COL13A1: variants seen among roughly 807,000 people sequenced by gnomAD.
COL13A1 encodes the protein collagen type XIII alpha 1 chain, also known as collagen alpha-1(XIII) chain.
COL13A1 carries 89 observed loss-of-function variants against 130.9 expected under a neutral mutation model. The observed-to-expected ratio is 0.68, with a 90% CI of 0.57 to 0.81. The LOEUF is 0.81. Among genes scored for constraint, COL13A1 ranks in the 30% least tolerant of loss-of-function variants. The probability of loss-of-function intolerance (pLI) is 0.00; values close to 1 mark genes in which losing one functional copy is unlikely to be tolerated. For missense variants in COL13A1, 879 were observed against 934.6 expected (o/e 0.94, Z 0.78); for synonymous variants, 402 against 341.6 (o/e 1.18, Z -1.95).
intron 1 of COL13A1, among the ~76,000 whole-genome samples, chr10:69,805,085 C>G (rs917227456): frequency 6.6e-6 from 1 of 151,982 alleles, no homozygotes; most frequent in African/African-American, 2.4e-5. Flanking sequence ...AGTCCAGGAC[C>G]CCGGAGGACT....
chr10:69,881,370 CG>C (rs2060122318), intron 7 of COL13A1, among the ~76,000 whole-genome samples: 2 of 152,104 alleles, frequency 1.3e-5, no homozygotes, highest in African/African-American at 4.8e-5. Flanking sequence ...AGCAGCAGGC[CG>C]CCGGCTCCAC....
At chr10:69,837,362 G>A (rs1360200288) in intron 2 of COL13A1, among the ~76,000 whole-genome samples, 1 of 152,200 alleles carries the variant, frequency 6.6e-6, no homozygotes, top group Non-Finnish European at 1.5e-5. Flanking sequence ...GGCACTCAGA[G>A]GCACTGGTGT....
intron 2 of COL13A1, among the ~76,000 whole-genome samples, chr10:69,845,739 A>G (rs61849242): frequency 0.023 from 3,333 of 147,548 alleles, 65 homozygotes; most frequent in Non-Finnish European, 0.035. Flanking sequence ...TTCCAAATCA[A>G]TTCTGACCTC....
At chr10:69,955,940 C>G (rs1333237550) in intron 39 of COL13A1, 1 of 152,222 alleles carries the variant, frequency 6.6e-6, no homozygotes, top group Non-Finnish European at 1.5e-5. Flanking sequence ...CTAAGCCCTC[C>G]ATATTGGGAC....
At chr10:69,870,503 T>TTA (rs10666724) in intron 3 of COL13A1, among the ~76,000 whole-genome samples, 5 of 150,506 alleles carry the variant, frequency 3.3e-5, no homozygotes, top group African/African-American at 9.8e-5. Context: ...TTTTTTTTTT[T>TTA]AGAGACGGGG....
chr10:69,830,969 G>A (rs1466849761), intron 2 of COL13A1, among the ~76,000 whole-genome samples: 1 of 152,100 alleles, frequency 6.6e-6, no homozygotes, highest in Non-Finnish European at 1.5e-5. Context: ...TTAGCATAAT[G>A]TTTTCAAGGT....
chr10:69,938,200 C>T (rs992628272), intron 34 of COL13A1, among the ~76,000 whole-genome samples: 1 of 152,146 alleles, frequency 6.6e-6, no homozygotes, highest in Non-Finnish European at 1.5e-5. Context: ...AGGCCAAGGC[C>T]GTTCATCTCC....
At chr10:69,927,773 A>G (rs1057225553) in intron 27 of COL13A1, among the ~76,000 whole-genome samples, 1 of 152,218 alleles carries the variant, frequency 6.6e-6, no homozygotes, top group Admixed American at 6.5e-5. Flanking sequence ...GCACAAACTC[A>G]CAATCAAACA....
At chr10:69,805,412 C>T (rs914709210) in intron 1 of COL13A1, among the ~76,000 whole-genome samples, 3 of 152,084 alleles carry the variant, frequency 2.0e-5, no homozygotes, top group Admixed American at 6.5e-5. Flanking sequence ...AGGTGGATGG[C>T]GTGAGTGGCC....
rs2063289239 is a variant in COL13A1, at chr10:69,910,811, A to T, written c.921+4989A>T. The stretch of plus-strand genomic sequence containing the variant: ...ACGAGTATTGTCAGATTGTGTGTGG[A>T]TCACAAAACCTGGTGAGAGCTTATC... On this transcript the variant is annotated intron_variant, in intron 17 of 40. Coordinates refer to ENST00000645393, the MANE Select transcript of COL13A1 (RefSeq NM_001368882.1). Among the ~76,000 whole-genome samples, 5 of 152,338 alleles carry T rather than the reference A, an allele frequency of 3.3e-5. No individual in the cohort carries two copies. The South Asian group carries it at 1.0e-3, about 32-fold the overall frequency.
chr10:69,879,492 T>G (rs936884237), intron 6 of COL13A1: 1 of 152,260 alleles, frequency 6.6e-6, no homozygotes, highest in African/African-American at 2.4e-5. Flanking sequence ...CCAAGCATTC[T>G]GGCTCTTAAC....
At chr10:69,898,828 C>A in intron 14 of COL13A1, 66 bp downstream of exon 14, 1 of 1,331,064 alleles carries the variant, frequency 7.5e-7, no homozygotes, top group South Asian at 1.4e-5. Context: ...CCTGCTGGGG[C>A]TGCAGACAAA....
At chr10:69,935,583 G>C (rs971573373) in intron 32 of COL13A1, among the ~76,000 whole-genome samples, 192 bp downstream of exon 32, 1 of 152,218 alleles carries the variant, frequency 6.6e-6, no homozygotes, top group Non-Finnish European at 1.5e-5. Flanking sequence ...AAGGAGCCCA[G>C]GCATTGCCTG....
At chr10:69,943,786 C>A (rs975378700) in intron 35 of COL13A1, among the ~76,000 whole-genome samples, 5 of 152,236 alleles carry the variant, frequency 3.3e-5, no homozygotes, top group Non-Finnish European at 7.3e-5. Flanking sequence ...CAGCCCCCGG[C>A]CCCTGCCCCG....
In COL13A1 at chr10:69,958,817, A is replaced by C; in HGVS notation, c.*116A>C. The C allele has an allele frequency of 7.1e-7, 1 of 1,412,250 alleles. No individual in the cohort carries two copies. Among genetic ancestry groups the C allele is most frequent in the Non-Finnish European group, 9.6e-7 (1 of 1,039,990 alleles). The allele number at this position is 1,412,250 out of a possible 1,614,324, so 87.5% of individuals were successfully genotyped here. A position where few individuals can be genotyped will look rare whatever the true frequency, so the allele number is the denominator to read the frequency against. On this transcript the variant is annotated 3_prime_UTR_variant, in exon 41 of 41. Coordinates refer to ENST00000645393, the MANE Select transcript of COL13A1 (RefSeq NM_001368882.1). The stretch of plus-strand genomic sequence containing the variant: ...TGATGCATCTTACAGATTATTAAAA[A>C]AGAAAGAAAAACCTGCATATTTTGT...
chr10:69,898,735 C>T lies in COL13A1; in HGVS notation c.723C>T (p.Pro241=), dbSNP rs1158205767. 2 of 1,613,512 alleles carry T rather than the reference C, an allele frequency of 1.2e-6. No homozygotes were observed. Among genetic ancestry groups the T allele is most frequent in the Non-Finnish European group, 8.5e-7 (1 of 1,179,684 alleles). ...PLLNSVRLAP[P]PVIKRRTFQG... is the part of the protein sequence containing the mutation. ...TCAATTCAGTGCGACTGGCTCCACC[C>T]CCGGTCATAAAAAGGCGGACGTTCC... is the stretch of plus-strand genomic sequence containing the variant. Residue 241 remains proline (P), a synonymous_variant, in exon 14 of 41, where the codon CCC becomes CCT. Transcript: ENST00000645393.
chr10:69,923,919 C>A (rs2065014350), intron 24 of COL13A1, 64 bp downstream of exon 24: 2 of 1,565,922 alleles, frequency 1.3e-6, no homozygotes. Flanking sequence ...CAAGAATCAT[C>A]CCGGCCGACC....
At chr10:69,867,768 T>C (rs1435436851) in intron 2 of COL13A1, 30 bp from the exon 3 acceptor site, 1 of 718,488 alleles carries the variant, frequency 1.4e-6, no homozygotes, top group East Asian at 2.7e-5. Context: ...GCAATGACAC[T>C]GACCCAGGCA....
intron 2 of COL13A1, among the ~76,000 whole-genome samples, chr10:69,858,864 C>T (rs549066822): frequency 4.6e-5 from 7 of 152,308 alleles, no homozygotes; most frequent in African/African-American, 1.7e-4. Context: ...TAGCTGATTC[C>T]AAAGGCTCTG....
Sources: allele counts gnomAD v4.1 joint callset (sites outside exome capture counted in the v4.1 genomes callset), GRCh38; gene constraint gnomAD v4.1.1; transcripts MANE v1.5; gene names NCBI Gene and HGNC (gene_info 2026-07-23, HGNC 2026-07-21).